Variants in CASS4 observed in about 807,000 individuals in gnomAD.
CASS4 encodes the protein cas scaffolding protein family member 4.
Under a neutral mutation model 54.2 loss-of-function variants are expected in CASS4, and 22 were observed. That is an observed-to-expected ratio of 0.41 (90% CI 0.29 to 0.58). CASS4 has a LOEUF of 0.58. CASS4 is among the 20% of genes least tolerant of loss of function. The pLI, the probability that CASS4 is intolerant of heterozygous loss-of-function variation, is 0.36. For synonymous variants in CASS4, 409 were observed against 391.5 expected (o/e 1.04, Z -0.53); for missense variants, 854 against 986.7 (o/e 0.87, Z 1.80).
intron 5 of CASS4, among the ~76,000 whole-genome samples, chr20:56,456,825 C>T (rs1386151905): frequency 1.3e-5 from 2 of 152,070 alleles, no homozygotes; most frequent in Admixed American, 6.5e-5. Flanking sequence ...ACTACAGGCC[C>T]GCACCGCCAT....
intron 5 of CASS4, among the ~76,000 whole-genome samples, chr20:56,456,288 T>C (rs1981289110): frequency 6.6e-6 from 1 of 152,154 alleles, no homozygotes; most frequent in Non-Finnish European, 1.5e-5. Context: ...AGAATCTTAG[T>C]ACATTTTTCA....
At chr20:56,418,732 A>G (rs1979265901) in intron 1 of CASS4, among the ~76,000 whole-genome samples, 1 of 152,172 alleles carries the variant, frequency 6.6e-6, no homozygotes, top group African/African-American at 2.4e-5. Flanking sequence ...CAGAAAAAAT[A>G]GTAAATCAAG....
chr20:56,426,198 G>A (rs958365469), intron 1 of CASS4, among the ~76,000 whole-genome samples: 5 of 152,204 alleles, frequency 3.3e-5, no homozygotes, highest in East Asian at 3.9e-4. Flanking sequence ...CAGTCCTGGC[G>A]TTGGCCCTTG....
chr20:56,438,125 C>T (rs1980282633), intron 2 of CASS4, among the ~76,000 whole-genome samples: 1 of 151,628 alleles, frequency 6.6e-6, no homozygotes, highest in South Asian at 2.1e-4. Context: ...CCTGTCTCTA[C>T]CAAAATTTAA....
At chr20:56,424,079 T>TAC (rs1250734572) in intron 1 of CASS4, among the ~76,000 whole-genome samples, 1 of 152,358 alleles carries the variant, frequency 6.6e-6, no homozygotes, top group East Asian at 1.9e-4. Flanking sequence ...CTCACTTAAC[T>TAC]ACTTTGCTAA....
chr20:56,412,139 C>A, upstream of CASS4: 1 of 358,676 alleles, frequency 2.8e-6, no homozygotes, highest in Non-Finnish European at 5.2e-6. The surrounding 1 kb of genome is among the most constrained non-coding windows in gnomAD (Gnocchi z 4.2). Flanking sequence ...TCTTCTTCTT[C>A]TTCTTTTGTG....
In CASS4 at chr20:56,458,999, C is replaced by G; in HGVS notation, c.*252C>G. On this transcript the variant is annotated 3_prime_UTR_variant, in exon 6 of 6. Transcript: ENST00000679887. ...TTAGCATATATGGAGTATGCAGTATCAGCTTGAAGTGACTTCGCAGAAATA... is the reference window on the plus strand; with the variant it reads ...TTAGCATATATGGAGTATGCAGTATGAGCTTGAAGTGACTTCGCAGAAATA... 2.2e-6 allele frequency: 1 copy of G among 452,366 alleles called. No individual in the cohort carries two copies. Among genetic ancestry groups the G allele is most frequent in the Non-Finnish European group, 3.9e-6 (1 of 254,172 alleles). The allele number at this position is 452,366 out of a possible 1,614,324, so 28.0% of individuals were successfully genotyped here. A position where few individuals can be genotyped will look rare whatever the true frequency, so the allele number is the denominator to read the frequency against.
At chr20:56,436,913 A>G (rs914115794) in intron 1 of CASS4, among the ~76,000 whole-genome samples, 4 of 152,102 alleles carry the variant, frequency 2.6e-5, no homozygotes, top group Non-Finnish European at 5.9e-5. Context: ...AGGGCCATGA[A>G]AGCATATTAG....
At position 56,412,764 on chromosome 20, in the gene CASS4, A is replaced by T. The variant is rs535523849; in HGVS notation, c.36+270A>T. ...CAGCGCCGTCCATCATTTTGCGTCC[A>T]GCAAACTCCTGAAGCAAGATGCGAG... is the stretch of plus-strand genomic sequence containing the variant. On this transcript the variant is annotated intron_variant, in intron 1 of 5. Transcript: ENST00000679887. The surrounding 1 kb of genome is among the most constrained non-coding windows in gnomAD (Gnocchi z 4.2). Among the ~76,000 whole-genome samples, 21 of 152,332 alleles carry T rather than the reference A, an allele frequency of 1.4e-4. No individual in the cohort carries two copies. In the South Asian group the frequency reaches 1.9e-3, roughly 14 times the overall value.
At position 56,452,480 on chromosome 20, in the gene CASS4, T is replaced by C. The variant is rs752395583; in HGVS notation, c.1304T>C (p.Leu435Ser). The change falls in exon 5 of 6, where the codon TTG becomes TCG. Residue 435 changes from leucine to serine, a missense_variant. Leu to Ser is a moderately radical substitution (Grantham distance 145). Coordinates refer to ENST00000679887, the MANE Select transcript of CASS4 (RefSeq NM_020356.4). The stretch of plus-strand genomic sequence containing the variant: ...GAGGAGTCAGCAAAGGAGCTCTCCT[T>C]GGACCTGGATGTGGCCAAGGAGACA... ...SSEESAKELS[L>S]DLDVAKETVM... 9 of 1,613,686 alleles carry C rather than the reference T, an allele frequency of 5.6e-6. No homozygotes were observed. In the African/African-American group the frequency reaches 1.1e-4, roughly 19 times the overall value.
At chr20:56,445,824 A>T in intron 2 of CASS4, 76 bp from the exon 3 acceptor site, 1 of 1,170,360 alleles carries the variant, frequency 8.5e-7, no homozygotes, top group Non-Finnish European at 1.3e-6. Context: ...CTGCTTTTGG[A>T]GAGATGACTT....
rs777823212 is a variant in CASS4 at position 56,451,962 on chromosome 20, C to A, written c.786C>A (p.Ser262Arg). The change falls in exon 5 of 6, where the codon AGC becomes AGA. Residue 262 changes from serine (S) to arginine (R), a missense_variant. Transcript: ENST00000679887. The part of the protein sequence containing the change: ...KASVRNTPLT[S>R]FAEESRPHAL... ...GCGTCAGAAACACGCCTCTCACCAG[C>A]TTTGCGGAAGAATCAAGGCCCCACG... is the stretch of plus-strand genomic sequence containing the variant. 3 of 1,614,228 alleles carry A rather than the reference C, an allele frequency of 1.9e-6. No homozygotes were observed. Among genetic ancestry groups the A allele is most frequent in the Non-Finnish European group, 2.5e-6 (3 of 1,180,040 alleles).
chr20:56,426,090 T>G (rs967566926), intron 1 of CASS4, among the ~76,000 whole-genome samples: 8 of 152,220 alleles, frequency 5.3e-5, no homozygotes, highest in Non-Finnish European at 8.8e-5. Flanking sequence ...ATCTTGTATC[T>G]GCTAAGATGT....
intron 1 of CASS4, among the ~76,000 whole-genome samples, chr20:56,421,134 C>T (rs1401671339): frequency 1.3e-5 from 2 of 152,168 alleles, no homozygotes; most frequent in African/African-American, 2.4e-5. Context: ...TGAATTCTTC[C>T]GGGTCAATCA....
chr20:56,450,537 C>T lies in CASS4; in HGVS notation c.562-62C>T, dbSNP rs193035877. On this transcript the variant is annotated intron_variant, in intron 3 of 5. Coordinates refer to ENST00000679887, the MANE Select transcript of CASS4 (RefSeq NM_020356.4). ...AAAAAACACTGGAATAGGGAGTGTT[C>T]GTGATGTGTAGCCATTAGGAAAGAA... The T allele has an allele frequency of 7.5e-5, 109 of 1,453,688 alleles. No homozygotes were observed. The African/African-American group carries it at 9.6e-4, about 13-fold the overall frequency. The allele number at this position is 1,453,688 out of a possible 1,614,324, so 90.0% of individuals were successfully genotyped here.
Position 56,437,547 on chromosome 20 carries a change from C to T in CASS4, c.420C>T (p.Ala140=), listed in dbSNP as rs376063661. ...AATTCCCCGACCCTCCCACCAGTGC[C>T]AGAATCATCTGTGAAAAGACTCTCA... ...VYEFPDPPTS[A]RIICEKTLSF... The change falls in exon 2 of 6, where the codon GCC becomes GCT. Residue 140 remains alanine, a synonymous_variant. Coordinates refer to ENST00000679887, the MANE Select transcript of CASS4 (RefSeq NM_020356.4). This position sits in a 1 kb window ranked among gnomAD's most constrained non-coding sequence, Gnocchi z 4.7. 1.9e-6 allele frequency: 3 copies of T among 1,559,510 alleles called. No homozygotes were observed. In the African/African-American group the frequency reaches 4.1e-5, roughly 21 times the overall value.
chr20:56,416,113 G>A (rs796541489), intron 1 of CASS4, among the ~76,000 whole-genome samples: 7 of 152,290 alleles, frequency 4.6e-5, no homozygotes, highest in African/African-American at 1.7e-4. Context: ...GCAGTGGCAT[G>A]ATCTTGGCTC....
Position 56,414,819 on chromosome 20 carries a change from C to T in CASS4, c.36+2325C>T, listed in dbSNP as rs996047003. On this transcript the variant is annotated intron_variant, in intron 1 of 5. Transcript: ENST00000679887. This position sits in a 1 kb window ranked among gnomAD's most constrained non-coding sequence, Gnocchi z 4.1. ...AAAATTAGCTGGGCATAGTGGTGCA[C>T]GTCTGTATTCCCAGCTACTCGGGAG... Among the ~76,000 whole-genome samples the T allele has an allele frequency of 4.6e-5, 7 of 152,028 alleles. No homozygotes were observed. The highest frequency in any genetic ancestry group is 1.3e-4 in the Admixed American group (2 of 15,254).
chr20:56,452,572 T>G lies in CASS4; in HGVS notation c.1396T>G (p.Trp466Gly). Residue 466 changes from tryptophan to glycine, a missense_variant, in exon 5 of 6, where the codon TGG becomes GGG. Transcript: ENST00000679887. ...CCTGATGCTCTTTGTCAGCAGGAAG[T>G]GGAGATTCCGAGACTATCTGGAGGC... is the stretch of plus-strand genomic sequence containing the variant. Reference protein sequence around the residue: ...AGLMLFVSRKWRFRDYLEANI... With the variant: ...AGLMLFVSRKGRFRDYLEANI... 1 of 1,614,158 alleles carries G rather than the reference T, an allele frequency of 6.2e-7. No homozygotes were observed. Among genetic ancestry groups the G allele is most frequent in the Non-Finnish European group, 8.5e-7 (1 of 1,180,028 alleles).
Sources: gnomAD v4.1 joint callset for allele counts (sites outside exome capture counted in the v4.1 genomes callset) on GRCh38, gnomAD v4.1.1 for gene constraint, Gnocchi (gnomAD v3.1) non-coding constraint, MANE v1.5 for transcripts, NCBI Gene and HGNC (gene_info 2026-07-23, HGNC 2026-07-21) for gene names.